The following DPH6 variants were observed in gnomAD, a reference collection of about 807,000 sequenced individuals.
The protein encoded by DPH6 is diphthine--ammonia ligase.
Under a neutral mutation model 38.2 loss-of-function variants are expected in DPH6, and 33 were observed. That is an observed-to-expected ratio of 0.86 (90% CI 0.65 to 1.15). DPH6 has a LOEUF of 1.15. Among genes scored for constraint, DPH6 ranks in the 50% most tolerant of loss-of-function variants. DPH6 has a pLI of 0.00. For synonymous variants in DPH6, 108 were observed against 103.0 expected (o/e 1.05, Z -0.30); for missense variants, 325 against 320.0 (o/e 1.02, Z -0.12).
intron 3 of DPH6, among the ~76,000 whole-genome samples, chr15:35,459,038 A>G (rs1324999173): frequency 1.3e-5 from 2 of 152,240 alleles, no homozygotes; most frequent in African/African-American, 4.8e-5. Context: ...ACATGTTTTA[A>G]AAGAAAATAC....
chr15:35,257,150 G>C (rs1783757440), intron 3 of DPH6, among the ~76,000 whole-genome samples: 1 of 152,158 alleles, frequency 6.6e-6, no homozygotes, highest in Admixed American at 6.5e-5. Flanking sequence ...ACCATGAAAA[G>C]ATGACATTAG....
At chr15:35,521,538 A>C (rs2054922781) in intron 3 of DPH6, 2 of 1,223,004 alleles carry the variant, frequency 1.6e-6, no homozygotes, top group Admixed American at 8.5e-5. Flanking sequence ...TTCAATTTTG[A>C]AGAAATCTAA....
chr15:35,240,864 C>T (rs1206881844), intron 3 of DPH6, among the ~76,000 whole-genome samples: 2 of 143,214 alleles, frequency 1.4e-5, no homozygotes, highest in African/African-American at 5.1e-5. Flanking sequence ...GCCCTCAAAC[C>T]CCACAACAGG....
chr15:35,353,559 T>G (rs2052534098), intron 3 of DPH6, among the ~76,000 whole-genome samples: 1 of 152,220 alleles, frequency 6.6e-6, no homozygotes, highest in Non-Finnish European at 1.5e-5. Flanking sequence ...TTTCTTGTTT[T>G]TGTCAGATTT....
At chr15:35,236,421 G>C (rs1415347346) in intron 3 of DPH6, among the ~76,000 whole-genome samples, 2 of 152,238 alleles carry the variant, frequency 1.3e-5, no homozygotes, top group East Asian at 1.9e-4. Flanking sequence ...GGCAGATCAC[G>C]AGGTCAGGAG....
At chr15:35,401,481 G>T (rs2053218437) in intron 6 of DPH6, 24 of 771,932 alleles carry the variant, frequency 3.1e-5, no homozygotes, top group South Asian at 3.1e-4. Context: ...ATGGAAACCA[G>T]GGCAGTGGCT....
At chr15:35,181,214 C>G in the DPH6 span, among the ~76,000 whole-genome samples, 7 of 151,950 alleles carry the variant, frequency 4.6e-5, no homozygotes, top group Non-Finnish European at 1.0e-4. Context: ...AGATGTGTCT[C>G]GATGATTGCC....
At chr15:35,237,598 G>T in intron 3 of DPH6, 1 of 1,594,244 alleles carries the variant, frequency 6.3e-7, no homozygotes, top group Non-Finnish European at 8.6e-7. Flanking sequence ...CGAACCTCAC[G>T]CATCTAAATT....
At chr15:35,323,137 G>T (rs943759003) in intron 3 of DPH6, among the ~76,000 whole-genome samples, 4 of 152,020 alleles carry the variant, frequency 2.6e-5, no homozygotes, top group African/African-American at 7.2e-5. Context: ...CTTATATAGT[G>T]GAGACATAAA....
chr15:35,189,849 A>C, the DPH6 span, among the ~76,000 whole-genome samples: 2 of 152,210 alleles, frequency 1.3e-5, no homozygotes, highest in Non-Finnish European at 2.9e-5. Flanking sequence ...TTAGAGGAGT[A>C]GGAGTAGTAA....
chr15:35,267,708 C>G (rs571822359), intron 3 of DPH6, among the ~76,000 whole-genome samples: 18 of 152,244 alleles, frequency 1.2e-4, no homozygotes, highest in African/African-American at 4.3e-4. Context: ...ATTCATTTGC[C>G]ATCCCTTTTT....
the DPH6 span, among the ~76,000 whole-genome samples, chr15:35,197,546 T>C: frequency 1.3e-5 from 2 of 152,206 alleles, no homozygotes. Flanking sequence ...TTTTGTAAAG[T>C]GCAACTAGAG....
chr15:35,323,807 G>C (rs1004611561), intron 3 of DPH6, among the ~76,000 whole-genome samples: 1 of 152,114 alleles, frequency 6.6e-6, no homozygotes, highest in African/African-American at 2.4e-5. Context: ...CAGTACTGAG[G>C]AACCATTGCT....
chr15:35,462,948 T>C (rs1393945232), intron 3 of DPH6, among the ~76,000 whole-genome samples: 1 of 152,162 alleles, frequency 6.6e-6, no homozygotes, highest in African/African-American at 2.4e-5. Flanking sequence ...TACCATTTGG[T>C]AATATACATA....
intron 3 of DPH6, among the ~76,000 whole-genome samples, chr15:35,461,820 T>G (rs2054070442): frequency 6.6e-6 from 1 of 152,100 alleles, no homozygotes; most frequent in South Asian, 2.1e-4. Context: ...CAGGGTAATG[T>G]TTTTCAAAGA....
chr15:35,197,964 C>T, the DPH6 span, among the ~76,000 whole-genome samples: 7 of 151,980 alleles, frequency 4.6e-5, no homozygotes, highest in South Asian at 2.1e-4. Flanking sequence ...TTTGCATAGA[C>T]GACTAGAATG....
intron 3 of DPH6, chr15:35,522,319 T>C (rs761847507): frequency 1.4e-5 from 23 of 1,592,814 alleles, no homozygotes; most frequent in East Asian, 9.0e-5. Context: ...ATCAGAGGTT[T>C]AGGATTGACC....
intron 3 of DPH6, among the ~76,000 whole-genome samples, chr15:35,277,877 G>T (rs1013184799): frequency 1.3e-5 from 2 of 152,146 alleles, no homozygotes; most frequent in African/African-American, 2.4e-5. Context: ...TCAAGATGTG[G>T]CCTGGCTGCT....
intron 3 of DPH6, chr15:35,521,024 G>C (rs538869645): frequency 1.0e-6 from 1 of 985,218 alleles, no homozygotes; most frequent in East Asian, 1.1e-4. Flanking sequence ...AAAAGGAGGG[G>C]AAGGGGCTTT....
Sources: allele counts gnomAD v4.1 joint callset (sites outside exome capture counted in the v4.1 genomes callset), GRCh38; gene constraint gnomAD v4.1.1; transcripts MANE v1.5; gene names NCBI Gene and HGNC (gene_info 2026-07-23, HGNC 2026-07-21).